CTNND2: variants seen among roughly 807,000 people sequenced by gnomAD.
The protein encoded by CTNND2 is catenin delta-2.
In CTNND2, 22 loss-of-function variants were observed where a neutral mutation model predicts 144.4. The ratio of observed to expected loss-of-function variants is 0.15; its 90% CI spans 0.11 to 0.22. The LOEUF (loss-of-function observed/expected upper bound fraction) is 0.22, where lower values mean the gene tolerates loss of function less well. Ranked by LOEUF, CTNND2 falls within the 10% of genes least tolerant of loss-of-function variation. The pLI, the probability that CTNND2 is intolerant of heterozygous loss-of-function variation, is 1.00. For missense variants in CTNND2, 1,353 were observed against 1,618.8 expected, an observed-to-expected ratio of 0.84 and a Z score of 2.82; for synonymous variants, 751 against 695.6, an observed-to-expected ratio of 1.08 and a Z score of -1.25.
intron 3 of CTNND2, among the ~76,000 whole-genome samples, chr5:11,495,535 C>T (rs1245636625): frequency 6.6e-6 from 1 of 152,126 alleles, no homozygotes; most frequent in African/African-American, 2.4e-5. Flanking sequence ...TTTGTACTGG[C>T]GTCAACCTTG....
At chr5:11,616,305 TTTTA>T (rs1780577855) in intron 2 of CTNND2, among the ~76,000 whole-genome samples, 2 of 152,186 alleles carry the variant, frequency 1.3e-5, no homozygotes, top group South Asian at 4.1e-4. Context: ...AAATATTTCC[TTTTA>T]TTTTTCTCAT....
chr5:11,054,427 G>A (rs1009454237), intron 16 of CTNND2, among the ~76,000 whole-genome samples: 1 of 152,160 alleles, frequency 6.6e-6, no homozygotes, highest in African/African-American at 2.4e-5. Flanking sequence ...TAAAAGGTAT[G>A]CAAGAGGAAA....
At chr5:11,490,093 A>G (rs576620168) in intron 3 of CTNND2, among the ~76,000 whole-genome samples, 13 of 152,296 alleles carry the variant, frequency 8.5e-5, no homozygotes, top group African/African-American at 2.9e-4. Flanking sequence ...GCTTCTCCTG[A>G]GGGTCTAACT....
chr5:11,465,147 T>C (rs1409153567), intron 3 of CTNND2, among the ~76,000 whole-genome samples: 2 of 152,210 alleles, frequency 1.3e-5, no homozygotes, highest in East Asian at 3.8e-4. Flanking sequence ...AACTAAGATA[T>C]TTTACATTTT....
chr5:11,472,217 T>C (rs1052439281), intron 3 of CTNND2, among the ~76,000 whole-genome samples: 4 of 152,202 alleles, frequency 2.6e-5, no homozygotes, highest in African/African-American at 7.2e-5. Flanking sequence ...GAATCTCAAC[T>C]GTTGTAAATT....
chr5:11,742,556 A>G (rs4702813), intron 1 of CTNND2, among the ~76,000 whole-genome samples: 74,634 of 151,848 alleles, frequency 0.49, 23,212 homozygotes, highest in Non-Finnish European at 0.67. Context: ...AAATGTTGGC[A>G]AAATAGAATT....
chr5:11,331,885 T>A (rs970133182), intron 9 of CTNND2, among the ~76,000 whole-genome samples: 2 of 152,196 alleles, frequency 1.3e-5, no homozygotes, highest in African/African-American at 4.8e-5. Context: ...AACAATATTA[T>A]ATGGTATATT....
chr5:11,724,927 T>C (rs983081874), intron 2 of CTNND2, among the ~76,000 whole-genome samples: 1 of 150,752 alleles, frequency 6.6e-6, no homozygotes, highest in African/African-American at 2.5e-5. Context: ...TTTTTTTGCC[T>C]TATTGATATT....
intron 2 of CTNND2, among the ~76,000 whole-genome samples, chr5:11,572,846 A>C (rs1777677146): frequency 6.6e-6 from 1 of 152,228 alleles, no homozygotes; most frequent in Non-Finnish European, 1.5e-5. Context: ...TTTCTTCTGC[A>C]GCTAAGATTG....
At chr5:11,307,339 GTGTGTA>G (rs1490883743) in intron 9 of CTNND2, among the ~76,000 whole-genome samples, 1 of 129,458 alleles carries the variant, frequency 7.7e-6, no homozygotes, top group African/African-American at 2.9e-5. Flanking sequence ...GTGTGTGTGT[GTGTGTA>G]CACAAGGGAA....
At chr5:11,627,119 CTT>C (rs34873751) in intron 2 of CTNND2, among the ~76,000 whole-genome samples, 3,329 of 152,252 alleles carry the variant, frequency 0.022, 57 homozygotes, top group Non-Finnish European at 0.036. Flanking sequence ...TAAGACAGCT[CTT>C]TTGCCTTTTG....
At chr5:11,241,083 A>G (rs1170124177) in intron 9 of CTNND2, among the ~76,000 whole-genome samples, 12 of 151,032 alleles carry the variant, frequency 7.9e-5, no homozygotes, top group African/African-American at 2.9e-4. Context: ...CAACACACAC[A>G]CACCCAATAC....
chr5:11,890,924 C>T (rs1736907451), intron 1 of CTNND2, among the ~76,000 whole-genome samples: 1 of 152,128 alleles, frequency 6.6e-6, no homozygotes, highest in Non-Finnish European at 1.5e-5. Context: ...GTTGTCACCA[C>T]TAGGGTTATA....
chr5:11,251,302 C>T (rs921635793), intron 9 of CTNND2, among the ~76,000 whole-genome samples: 1 of 152,166 alleles, frequency 6.6e-6, no homozygotes, highest in Non-Finnish European at 1.5e-5. Flanking sequence ...CAGCTTGAAT[C>T]ATCTACATCC....
chr5:11,083,820 C>G (rs937371865), intron 15 of CTNND2: 1 of 962,680 alleles, frequency 1.0e-6, no homozygotes, highest in Non-Finnish European at 1.3e-6. Flanking sequence ...CCAGTCCCCC[C>G]ACCAGGCCAC....
intron 7 of CTNND2, among the ~76,000 whole-genome samples, chr5:11,365,766 C>T (rs906830288): frequency 5.3e-5 from 8 of 152,094 alleles, no homozygotes; most frequent in Non-Finnish European, 1.0e-4. Context: ...GGAAAGAGGA[C>T]GTTGATTGAG....
chr5:11,398,596 A>T (rs1019568962), intron 5 of CTNND2, among the ~76,000 whole-genome samples: 9 of 152,154 alleles, frequency 5.9e-5, no homozygotes, highest in African/African-American at 2.2e-4. Flanking sequence ...GAAAAAAAAA[A>T]GGTAAGCAAG....
At chr5:11,588,847 C>G (rs968039169) in intron 2 of CTNND2, 63 of 985,294 alleles carry the variant, frequency 6.4e-5, no homozygotes, top group Non-Finnish European at 7.1e-5. Flanking sequence ...CTTCCCCAGG[C>G]TGTGGAGCAG....
intron 16 of CTNND2, among the ~76,000 whole-genome samples, chr5:11,027,819 G>C (rs888801468): frequency 5.9e-5 from 9 of 152,306 alleles, no homozygotes; most frequent in African/African-American, 2.2e-4. Context: ...TGTTGCCCAA[G>C]AAAGGCACTC....
Sources: gnomAD v4.1 joint callset for allele counts (sites outside exome capture counted in the v4.1 genomes callset) on GRCh38, gnomAD v4.1.1 for gene constraint, MANE v1.5 for transcripts, NCBI Gene and HGNC (gene_info 2026-07-23, HGNC 2026-07-21) for gene names.